Variants in SNRPC observed in about 807,000 individuals in gnomAD.
SNRPC encodes small nuclear ribonucleoprotein polypeptide C.
SNRPC carries 5 observed loss-of-function variants against 20.0 expected under a neutral mutation model. That is an observed-to-expected ratio of 0.25 (90% CI 0.13 to 0.53). The LOEUF is 0.53. SNRPC is among the 20% of genes least tolerant of loss of function. The pLI is 0.96. For missense variants in SNRPC, 112 were observed against 224.1 expected, an observed-to-expected ratio of 0.50 and a Z score of 3.19; for synonymous variants, 61 against 58.7, an observed-to-expected ratio of 1.04 and a Z score of -0.18.
intron 3 of SNRPC, among the ~76,000 whole-genome samples, chr6:34,763,993 G>A (rs867851381): frequency 6.6e-6 from 1 of 151,212 alleles, no homozygotes; most frequent in Non-Finnish European, 1.5e-5. Flanking sequence ...GGGATTACAG[G>A]CGTGAGCCAC....
intron 2 of SNRPC, among the ~76,000 whole-genome samples, chr6:34,760,087 CATT>C (rs1764513849): frequency 2.0e-5 from 3 of 149,890 alleles, no homozygotes; most frequent in Admixed American, 1.3e-4. Context: ...CTCTTGAAGA[CATT>C]ATTATAGTTC....
Position 34,773,684 on chromosome 6 carries a change from CT to C in SNRPC, c.*115del, listed in dbSNP as rs1386155791. Reference sequence around the variant, plus strand: ...AACAGCATAAGGAAGACTTGCTCCCCTGTCCTATGAAAGAGAATAGTTTTGG... The same window carrying C: ...AACAGCATAAGGAAGACTTGCTCCCCGTCCTATGAAAGAGAATAGTTTTGG... On this transcript the variant is annotated 3_prime_UTR_variant, in exon 6 of 6. Transcript: ENST00000244520. This position sits in a 1 kb window ranked among gnomAD's most constrained non-coding sequence, Gnocchi z 4.1. 4.6e-6 allele frequency: 4 copies of C among 872,738 alleles called. No individual in the cohort carries two copies. In the African/African-American group the frequency reaches 6.6e-5, roughly 14 times the overall value. 54.1% of individuals were successfully genotyped at this position (872,738 alleles called of 1,614,324 possible).
chr6:34,771,073 A>G (rs1162784936), intron 5 of SNRPC, among the ~76,000 whole-genome samples: 1 of 152,224 alleles, frequency 6.6e-6, no homozygotes, highest in Admixed American at 6.5e-5. Context: ...TCATGCCTGT[A>G]ATCCCAGCAC....
intron 4 of SNRPC, among the ~76,000 whole-genome samples, chr6:34,768,753 C>CAAA (rs11284276): frequency 3.1e-5 from 3 of 97,636 alleles, no homozygotes; most frequent in African/African-American, 6.5e-5. Context: ...GACTTTGTCT[C>CAAA]AAAAAAAAAA....
At chr6:34,770,931 G>T (rs1236022742) in intron 5 of SNRPC, among the ~76,000 whole-genome samples, 4 of 152,082 alleles carry the variant, frequency 2.6e-5, no homozygotes, top group Admixed American at 2.0e-4. Flanking sequence ...TTTTTATTTA[G>T]GGAGGCGTAA....
Position 34,767,899 on chromosome 6 carries a change from C to CCACAT in SNRPC, c.161-8_161-7insACATC. 5.4e-5 allele frequency: 81 copies of CCACAT among 1,509,042 alleles called. 5 individuals are homozygous for CCACAT. The highest frequency in any genetic ancestry group is 6.2e-5 in the Non-Finnish European group (70 of 1,133,968). The allele number at this position is 1,509,042 out of a possible 1,614,324, so 93.5% of individuals were successfully genotyped here. A position where few individuals can be genotyped will look rare whatever the true frequency, so the allele number is the denominator to read the frequency against. On this transcript the variant is annotated splice_polypyrimidine_tract_variant and intron_variant, in intron 3 of 5. Transcript: ENST00000244520. ...TCTTTTTTTTTTTTTTTTTCCTCACCCTCCAAAGCGGCTGCATTTCAACAA... is the reference window on the plus strand; with the variant it reads ...TCTTTTTTTTTTTTTTTTTCCTCACCCACATCTCCAAAGCGGCTGCATTTCAACAA...
rs11968954 is a variant in SNRPC at position 34,773,397 on chromosome 6, C to A, written c.356-49C>A. On this transcript the variant is annotated intron_variant, in intron 5 of 5. Coordinates refer to ENST00000244520, the MANE Select transcript of SNRPC (RefSeq NM_003093.3). This position sits in a 1 kb window ranked among gnomAD's most constrained non-coding sequence, Gnocchi z 4.1. ...AAGTCCCATCAAACTCTCCCTAAAT[C>A]GTATTTTCTGACTCCCTTTTTCTCC... is the stretch of plus-strand genomic sequence containing the variant. The A allele has an allele frequency of 3.2e-6, 5 of 1,582,740 alleles. No homozygotes were observed. In the Admixed American group the frequency reaches 6.8e-5, roughly 22 times the overall value.
In SNRPC at chr6:34,758,130, A is replaced by G. The variant is rs74694811; in HGVS notation, c.51+176A>G. On this transcript the variant is annotated intron_variant, in intron 2 of 5. Transcript: ENST00000244520. ...ACCCTTCCAGTAACTTTGATTAAAA[A>G]CTGCTTAACAAGTCAGGCATGGTGG... Among the ~76,000 whole-genome samples the G allele has an allele frequency of 4.3e-3, 659 of 152,148 alleles. 5 individuals carry two copies. Among genetic ancestry groups the G allele is most frequent in the African/African-American group, 0.015 (614 of 41,492 alleles).
In SNRPC at chr6:34,757,973, C is replaced by A; in HGVS notation, c.51+19C>A. The A allele has an allele frequency of 6.3e-7, 1 of 1,596,642 alleles. No individual in the cohort carries two copies. The highest frequency in any genetic ancestry group is 8.5e-7 in the Non-Finnish European group (1 of 1,175,998). On this transcript the variant is annotated intron_variant, in intron 2 of 5. Transcript: ENST00000244520. ...TGACTCTGTAAGTGGCATATCTATT[C>A]ATAGTTTCAAAAAGCCTTATGTGTA...
At chr6:34,763,759 C>T (rs547156768) in intron 3 of SNRPC, among the ~76,000 whole-genome samples, 8 of 150,628 alleles carry the variant, frequency 5.3e-5, no homozygotes, top group Non-Finnish European at 8.9e-5. Flanking sequence ...ACTCTGTCGC[C>T]AGGCTGGAGT....
In SNRPC at chr6:34,762,578, A is replaced by G. The variant is rs1394642221; in HGVS notation, c.52-17A>G. ...GACATTTGTTTCTACGTCTGATATGATCTTTTTATTTTACAGCCATCTGTG... is the reference window on the plus strand; with the variant it reads ...GACATTTGTTTCTACGTCTGATATGGTCTTTTTATTTTACAGCCATCTGTG... On this transcript the variant is annotated splice_polypyrimidine_tract_variant and intron_variant, in intron 2 of 5. Transcript: ENST00000244520. The G allele has an allele frequency of 3.7e-6, 5 of 1,349,080 alleles. No homozygotes were observed. Among genetic ancestry groups the G allele is most frequent in the Non-Finnish European group, 4.2e-6 (4 of 941,372 alleles). The allele number at this position is 1,349,080 out of a possible 1,614,324, so 83.6% of individuals were successfully genotyped here.
chr6:34,760,327 C>T (rs1764519056), intron 2 of SNRPC, among the ~76,000 whole-genome samples: 1 of 151,878 alleles, frequency 6.6e-6, no homozygotes, highest in Non-Finnish European at 1.5e-5. Context: ...AAAAACGGTC[C>T]CGCCTCAGCC....
chr6:34,759,352 G>A (rs1179053469), intron 2 of SNRPC, among the ~76,000 whole-genome samples: 1 of 152,212 alleles, frequency 6.6e-6, no homozygotes, highest in Non-Finnish European at 1.5e-5. Context: ...AGCACTTCGG[G>A]AGGCCGAGGA....
chr6:34,771,712 T>C (rs1326013625), intron 5 of SNRPC, among the ~76,000 whole-genome samples: 1 of 152,206 alleles, frequency 6.6e-6, no homozygotes, highest in Non-Finnish European at 1.5e-5. Context: ...AAAAACAAGC[T>C]GCAAAGTTAC....
At chr6:34,767,033 T>A (rs60048291) in intron 3 of SNRPC, among the ~76,000 whole-genome samples, 3 of 151,376 alleles carry the variant, frequency 2.0e-5, no homozygotes, top group Non-Finnish European at 2.9e-5. Flanking sequence ...AAAAAAAAAT[T>A]TTTAAATTGA....
At chr6:34,758,769 T>TG (rs1429990858) in intron 2 of SNRPC, among the ~76,000 whole-genome samples, 1 of 152,088 alleles carries the variant, frequency 6.6e-6, no homozygotes, top group Non-Finnish European at 1.5e-5. Flanking sequence ...CATTTGATTA[T>TG]GTAATGAAAA....
intron 3 of SNRPC, among the ~76,000 whole-genome samples, chr6:34,765,729 CA>C (rs1366215571): frequency 1.3e-5 from 2 of 151,798 alleles, no homozygotes; most frequent in Non-Finnish European, 2.9e-5. Context: ...AGGCATGAGC[CA>C]CCATGCCCAG....
intron 3 of SNRPC, among the ~76,000 whole-genome samples, chr6:34,766,411 C>G (rs968293323): frequency 3.9e-5 from 6 of 151,954 alleles, no homozygotes; most frequent in African/African-American, 1.5e-4. Flanking sequence ...GTTGCCCAAG[C>G]TAGTCTTTAA....
At chr6:34,757,999 A>G (rs772902253) in intron 2 of SNRPC, 45 bp downstream of exon 2, 5 of 1,575,084 alleles carry the variant, frequency 3.2e-6, no homozygotes, top group South Asian at 1.2e-5. Flanking sequence ...CTTATGTGTA[A>G]TAATTAAATG....
Sources: gnomAD v4.1 joint callset for allele counts (sites outside exome capture counted in the v4.1 genomes callset) on GRCh38, gnomAD v4.1.1 for gene constraint, Gnocchi (gnomAD v3.1) non-coding constraint, MANE v1.5 for transcripts, NCBI Gene and HGNC (gene_info 2026-07-23, HGNC 2026-07-21) for gene names.